ECT2L: variants seen among roughly 807,000 people sequenced by gnomAD.
The protein encoded by ECT2L is epithelial cell-transforming sequence 2 oncogene-like.
A neutral mutation model predicts 122.8 loss-of-function variants in ECT2L; 126 were observed. The observed-to-expected ratio is 1.03, with a 90% CI of 0.89 to 1.19. ECT2L has a LOEUF of 1.19. Among genes scored for constraint, ECT2L ranks in the 50% most tolerant of loss-of-function variants. The probability of loss-of-function intolerance (pLI) is 0.00; values close to 1 mark genes in which losing one functional copy is unlikely to be tolerated. For missense variants in ECT2L, 1,012 were observed against 1,064.1 expected (o/e 0.95, Z 0.68); for synonymous variants, 385 against 381.8 (o/e 1.01, Z -0.10).
intron 5 of ECT2L, among the ~76,000 whole-genome samples, chr6:138,841,032 C>G (rs1777022493): frequency 6.6e-6 from 1 of 152,118 alleles, no homozygotes; most frequent in South Asian, 2.1e-4. Flanking sequence ...TAGCTAGATT[C>G]TAATCTGATC....
At chr6:138,847,412 C>A (rs1777267246) in intron 8 of ECT2L, among the ~76,000 whole-genome samples, 1 of 111,448 alleles carries the variant, frequency 9.0e-6, no homozygotes, top group Non-Finnish European at 1.7e-5. Context: ...ACTCTGTCGC[C>A]CAGGCTGGAG....
At chr6:138,856,207 TTCTTTTTGTCTCCCCCAC>T (rs1238210033) in intron 10 of ECT2L, among the ~76,000 whole-genome samples, 1 of 3,562 alleles carries the variant, frequency 2.8e-4, no homozygotes, top group African/African-American at 1.0e-3. Context: ...ACCACAGCAA[TTCTTTTTGTCTCCCCCAC>T]CCCACCGCCC....
At chr6:138,825,959 T>C (rs1220231670) in intron 4 of ECT2L, among the ~76,000 whole-genome samples, 1 of 152,190 alleles carries the variant, frequency 6.6e-6, no homozygotes, top group Non-Finnish European at 1.5e-5. Flanking sequence ...CCCCCTGCCT[T>C]AGTCAACGAC....
intron 20 of ECT2L, among the ~76,000 whole-genome samples, chr6:138,891,293 G>T (rs897118899): frequency 6.6e-6 from 1 of 152,146 alleles, no homozygotes; most frequent in African/African-American, 2.4e-5. Context: ...GTTTTGAAAT[G>T]GCCCTGCAAA....
chr6:138,838,396 T>C lies in ECT2L; in HGVS notation c.224T>C (p.Val75Ala). The part of the protein sequence containing the change: ...WFSERMQVAK[V>A]DFSTVLPRFI... Reference sequence around the variant, plus strand: ...TCAGAAAGGATGCAAGTGGCCAAAGTGGACTTCTCTACAGTGTTACCACGC... The same window carrying C: ...TCAGAAAGGATGCAAGTGGCCAAAGCGGACTTCTCTACAGTGTTACCACGC... The change falls in exon 5 of 22, where the codon GTG (valine) becomes GCG (alanine). Residue 75 changes from valine to alanine, a missense_variant. Physicochemically the swap from Val to Ala is moderately conservative, Grantham distance 64. Transcript: ENST00000541398. 2 of 1,611,910 alleles carry C rather than the reference T, an allele frequency of 1.2e-6. No homozygotes were observed. Among genetic ancestry groups the C allele is most frequent in the Admixed American group, 1.7e-5 (1 of 59,572 alleles).
At chr6:138,871,063 A>G (rs1239047745) in intron 13 of ECT2L, among the ~76,000 whole-genome samples, 1 of 152,152 alleles carries the variant, frequency 6.6e-6, no homozygotes, top group Non-Finnish European at 1.5e-5. Flanking sequence ...AATAAATAAA[A>G]CTAGTTCATC....
Position 138,806,511 on chromosome 6 carries a change from C to CTTCTTTTTTT in ECT2L, c.-243-6325_-243-6324insCTTTTTTTTT, listed in dbSNP as rs530723007. ...TCCCCTGTGCAGCTGAAAATTCACG[C>CTTCTTTTTTT]TTTTTTTTTTTTTTTTTTTGAGATG... is the stretch of plus-strand genomic sequence containing the variant. On this transcript the variant is annotated intron_variant, in intron 1 of 21. Coordinates refer to ENST00000541398, the MANE Select transcript of ECT2L (RefSeq NM_001077706.3). Among the ~76,000 whole-genome samples, 5 of 89,676 alleles carry CTTCTTTTTTT rather than the reference C, an allele frequency of 5.6e-5. 1 individual carries two copies. The highest frequency in any genetic ancestry group is 6.0e-5 in the Non-Finnish European group (3 of 49,872). 58.8% of individuals were successfully genotyped at this position (89,676 alleles called of 152,430 possible).
At chr6:138,798,336 C>G (rs1393115857) in intron 1 of ECT2L, among the ~76,000 whole-genome samples, 1 of 152,082 alleles carries the variant, frequency 6.6e-6, no homozygotes, top group Admixed American at 6.6e-5. Context: ...GTAACCAGCC[C>G]CCATCCTGAA....
At chr6:138,885,448 A>G in intron 16 of ECT2L, 58 bp from the exon 17 acceptor site, 1 of 1,549,598 alleles carries the variant, frequency 6.5e-7, no homozygotes, top group Non-Finnish European at 8.9e-7. Context: ...TGCTCAGTGG[A>G]ACAGTGGACT....
intron 10 of ECT2L, among the ~76,000 whole-genome samples, chr6:138,858,775 G>C (rs764255497): frequency 7.4e-6 from 1 of 135,924 alleles, no homozygotes; most frequent in South Asian, 2.4e-4. Flanking sequence ...ATGAAATCAC[G>C]GCTCAGTGCA....
intron 5 of ECT2L, among the ~76,000 whole-genome samples, chr6:138,839,119 T>C (rs2128387414): frequency 6.6e-6 from 1 of 152,322 alleles, no homozygotes; most frequent in South Asian, 2.1e-4. Flanking sequence ...ATTTATGCTT[T>C]AGATTTTGTA....
chr6:138,797,413 A>G (rs960026736), intron 1 of ECT2L, among the ~76,000 whole-genome samples: 1 of 152,212 alleles, frequency 6.6e-6, no homozygotes, highest in African/African-American at 2.4e-5. Context: ...ATGTAGGTAC[A>G]TACCTCTGCC....
chr6:138,848,965 T>C (rs1028064971), intron 8 of ECT2L, among the ~76,000 whole-genome samples: 3 of 152,200 alleles, frequency 2.0e-5, no homozygotes, highest in Non-Finnish European at 4.4e-5. Context: ...ATTATTACTT[T>C]TTAAAAGTTA....
Position 138,881,164 on chromosome 6 carries a change from C to G in ECT2L, c.1873C>G (p.Leu625Val), listed in dbSNP as rs748477906. 1 of 1,613,732 alleles carries G rather than the reference C, an allele frequency of 6.2e-7. No homozygotes were observed. The highest frequency in any genetic ancestry group is 1.6e-4 in the Middle Eastern group (1 of 6,062). ...CTGTGACATTCTACAGATTTTAAGTCTCAACAGGTAAACCCTGAATATGTA... is the reference window on the plus strand; with the variant it reads ...CTGTGACATTCTACAGATTTTAAGTGTCAACAGGTAAACCCTGAATATGTA... ...IFCDILQILS[L>V]NRQFLDNLRD... The change falls in exon 15 of 22, where the codon CTC (leucine) becomes GTC (valine). Residue 625 changes from leucine (L) to valine (V), a missense_variant. Leu to Val is a conservative substitution (Grantham distance 32). Coordinates refer to ENST00000541398, the MANE Select transcript of ECT2L (RefSeq NM_001077706.3).
At chr6:138,820,014 A>G in intron 4 of ECT2L, among the ~76,000 whole-genome samples, 1 of 152,174 alleles carries the variant, frequency 6.6e-6, no homozygotes, top group South Asian at 2.1e-4. Flanking sequence ...GTCTTTCTTC[A>G]ATTCCTGCTT....
intron 20 of ECT2L, among the ~76,000 whole-genome samples, chr6:138,890,489 GATCTTTTTTT>G (rs1778978845): frequency 1.8e-5 from 1 of 55,498 alleles, no homozygotes; most frequent in African/African-American, 7.2e-5. Flanking sequence ...TGTTTTCTTT[GATCTTTTTTT>G]TTTTTTTTTT....
At chr6:138,898,014 T>C (rs926270774) in intron 20 of ECT2L, among the ~76,000 whole-genome samples, 3 of 152,122 alleles carry the variant, frequency 2.0e-5, no homozygotes, top group African/African-American at 7.2e-5. Context: ...AAACAGTTTC[T>C]AAACTTCTAT....
At chr6:138,807,671 T>C (rs1306618513) in intron 1 of ECT2L, among the ~76,000 whole-genome samples, 1 of 152,160 alleles carries the variant, frequency 6.6e-6, no homozygotes, top group Non-Finnish European at 1.5e-5. Flanking sequence ...CATCCCAAAA[T>C]TTAATGGCTT....
intron 10 of ECT2L, among the ~76,000 whole-genome samples, chr6:138,861,427 T>C (rs550687708): frequency 3.3e-5 from 5 of 152,340 alleles, no homozygotes; most frequent in African/African-American, 1.2e-4. Flanking sequence ...CCATTCTAAC[T>C]GGCGTGAGAT....
Sources: allele counts gnomAD v4.1 joint callset (sites outside exome capture counted in the v4.1 genomes callset), GRCh38; gene constraint gnomAD v4.1.1; transcripts MANE v1.5; gene names NCBI Gene and HGNC (gene_info 2026-07-23, HGNC 2026-07-21).